The following LIPA variants were observed in gnomAD, a reference collection of about 807,000 sequenced individuals.
LIPA encodes lipase A, lysosomal acid type.
A neutral mutation model predicts 40.6 loss-of-function variants in LIPA; 26 were observed. That is an observed-to-expected ratio of 0.64 (90% CI 0.47 to 0.89). The LOEUF (loss-of-function observed/expected upper bound fraction) is 0.89. Among genes scored for constraint, LIPA ranks in the 40% least tolerant of loss-of-function variants. The pLI is 0.00. For missense variants in LIPA, 455 were observed against 479.6 expected (o/e 0.95, Z 0.48); for synonymous variants, 188 against 168.4 (o/e 1.12, Z -0.90).
At chr10:89,377,993 G>A (rs752947063) in intron 2 of LIPA, 4 of 706,436 alleles carry the variant, frequency 5.7e-6, no homozygotes, top group African/African-American at 1.8e-5. Context: ...AGGCATCAAG[G>A]GTGTAAAAAA....
intron 2 of LIPA, among the ~76,000 whole-genome samples, chr10:89,378,311 G>C (rs1284368136): frequency 1.3e-5 from 2 of 152,146 alleles, no homozygotes; most frequent in African/African-American, 4.8e-5. Context: ...TTAATAAGGG[G>C]GCTATTTAAG....
intron 1 of LIPA, among the ~76,000 whole-genome samples, chr10:89,319,537 C>T (rs1479581388): frequency 6.6e-6 from 1 of 152,064 alleles, no homozygotes; most frequent in African/African-American, 2.4e-5. Context: ...CTGAATAGAC[C>T]AATAACAGGG....
intron 2 of LIPA, among the ~76,000 whole-genome samples, chr10:89,370,336 C>T (rs915065628): frequency 2.6e-5 from 4 of 151,836 alleles, no homozygotes; most frequent in African/African-American, 7.3e-5. Context: ...GCAATCCTGC[C>T]GCCTCAGCCT....
At chr10:89,258,113 A>G (rs570983831) in intron 1 of LIPA, among the ~76,000 whole-genome samples, 2 of 152,356 alleles carry the variant, frequency 1.3e-5, no homozygotes, top group African/African-American at 4.8e-5. Context: ...ATACTGAATA[A>G]GAATAAGAAT....
At chr10:89,333,928 T>C (rs2133549198) in intron 1 of LIPA, among the ~76,000 whole-genome samples, 1 of 152,328 alleles carries the variant, frequency 6.6e-6, no homozygotes, top group African/African-American at 2.4e-5. Context: ...GAAGTCCGGC[T>C]CTGGAGAGTT....
chr10:89,313,065 A>G (rs1207006110), intron 1 of LIPA, among the ~76,000 whole-genome samples: 3 of 152,182 alleles, frequency 2.0e-5, no homozygotes, highest in African/African-American at 7.2e-5. Flanking sequence ...TACCTGTAGA[A>G]TATCTAGAGT....
At chr10:89,232,546 T>C (rs1382792047) in intron 3 of LIPA, among the ~76,000 whole-genome samples, 1 of 152,196 alleles carries the variant, frequency 6.6e-6, no homozygotes, top group African/African-American at 2.4e-5. Context: ...CTGCCTAGTC[T>C]ACTCCTCAGG....
intron 2 of LIPA, among the ~76,000 whole-genome samples, chr10:89,408,811 T>C (rs1487035080): frequency 6.6e-6 from 1 of 152,160 alleles, no homozygotes; most frequent in Non-Finnish European, 1.5e-5. Context: ...AGTTTGGAGA[T>C]ACCTGGTATC....
intron 3 of LIPA, among the ~76,000 whole-genome samples, chr10:89,234,323 G>C (rs1475042868): frequency 6.6e-6 from 1 of 152,176 alleles, no homozygotes; most frequent in African/African-American, 2.4e-5. Context: ...GAATAGGAAG[G>C]ACTTCATGGG....
intron 1 of LIPA, among the ~76,000 whole-genome samples, chr10:89,287,906 T>C (rs1182042489): frequency 6.6e-6 from 1 of 152,166 alleles, no homozygotes; most frequent in Non-Finnish European, 1.5e-5. Flanking sequence ...TTGTCCTCAA[T>C]ACCTCCCTCC....
intron 1 of LIPA, among the ~76,000 whole-genome samples, chr10:89,297,518 G>C (rs1003342890): frequency 1.3e-5 from 2 of 152,170 alleles, no homozygotes; most frequent in African/African-American, 4.8e-5. Flanking sequence ...TAGACCCAAA[G>C]GTAATACAGT....
At chr10:89,323,309 C>G (rs1476168418) in intron 1 of LIPA, among the ~76,000 whole-genome samples, 1 of 152,100 alleles carries the variant, frequency 6.6e-6, no homozygotes, top group African/African-American at 2.4e-5. Context: ...TAAGAGCCAT[C>G]TATGATAAAC....
At chr10:89,291,024 A>G (rs1027765212) in intron 1 of LIPA, among the ~76,000 whole-genome samples, 3 of 152,222 alleles carry the variant, frequency 2.0e-5, no homozygotes, top group Non-Finnish European at 4.4e-5. Flanking sequence ...CAATTTTTCA[A>G]TGACATGGGT....
chr10:89,293,795 C>T (rs185839622), intron 1 of LIPA: 2 of 151,980 alleles, frequency 1.3e-5, no homozygotes, highest in South Asian at 2.1e-4. Context: ...GATTAGGGGC[C>T]CCACCCTTAA....
chr10:89,403,260 T>C, intron 2 of LIPA: 1 of 1,614,132 alleles, frequency 6.2e-7, no homozygotes, highest in Non-Finnish European at 8.5e-7. Flanking sequence ...CATATTTCAT[T>C]TTGAATCTGC....
At chr10:89,335,631 C>T (rs1371802767) in intron 1 of LIPA, 2 of 151,518 alleles carry the variant, frequency 1.3e-5, no homozygotes, top group Admixed American at 6.6e-5. Flanking sequence ...TCCAACAATA[C>T]ATCCAACATC....
intron 2 of LIPA, chr10:89,383,960 A>T: frequency 6.2e-7 from 1 of 1,614,192 alleles, no homozygotes; most frequent in Admixed American, 1.7e-5. Flanking sequence ...AATCCAGATG[A>T]TGTATATATT....
At chr10:89,356,207 G>A (rs1238553217) in intron 2 of LIPA, among the ~76,000 whole-genome samples, 2 of 152,082 alleles carry the variant, frequency 1.3e-5, no homozygotes, top group African/African-American at 4.8e-5. Flanking sequence ...ATAGGGCAAG[G>A]TATGGGGTGA....
At chr10:89,294,804 A>G (rs1843400433) in intron 1 of LIPA, among the ~76,000 whole-genome samples, 1 of 151,980 alleles carries the variant, frequency 6.6e-6, no homozygotes, top group Admixed American at 6.6e-5. Flanking sequence ...GTGAGACCCT[A>G]TCTCTACAAG....
Sources: allele counts gnomAD v4.1 joint callset (sites outside exome capture counted in the v4.1 genomes callset), GRCh38; gene constraint gnomAD v4.1.1; transcripts MANE v1.5; gene names NCBI Gene and HGNC (gene_info 2026-07-23, HGNC 2026-07-21).